Variants in NFIA observed in about 807,000 individuals in gnomAD.
NFIA encodes nuclear factor 1 A-type.
Under a neutral mutation model 62.8 loss-of-function variants are expected in NFIA, and 8 were observed. The observed-to-expected ratio is 0.13, with a 90% CI of 0.07 to 0.23. NFIA has a LOEUF of 0.23. Ranked by LOEUF, NFIA falls within the 10% of genes least tolerant of loss-of-function variation. The probability of loss-of-function intolerance (pLI) is 1.00; values close to 1 mark genes in which losing one functional copy is unlikely to be tolerated. For synonymous variants in NFIA, 235 were observed against 238.1 expected, an observed-to-expected ratio of 0.99 and a Z score of 0.12; for missense variants, 410 against 642.1, an observed-to-expected ratio of 0.64 and a Z score of 3.91.
rs1297292107 is a variant in NFIA, at chr1:61,453,527, C to G, written c.1513-1776C>G. Among the ~76,000 whole-genome samples the G allele has an allele frequency of 2.1e-5, 3 of 139,826 alleles. No individual in the cohort carries two copies. The South Asian group carries it at 6.8e-4, about 32-fold the overall frequency. The allele number at this position is 139,826 out of a possible 152,430, so 91.7% of individuals were successfully genotyped here. ...AGATTTTTGTAGTGCCCTGAGGTCT[C>G]GTCCAGAAACTGTGGTGTGGAGAAC... On this transcript the variant is annotated intron_variant, in intron 10 of 10. Coordinates refer to ENST00000403491, the MANE Select transcript of NFIA (RefSeq NM_001134673.4).
upstream of NFIA, among the ~76,000 whole-genome samples, chr1:61,079,665 G>C (rs1445052119): frequency 6.6e-6 from 1 of 152,154 alleles, no homozygotes; most frequent in African/African-American, 2.4e-5. Context: ...CAGTGAACTA[G>C]TTTCCATACT....
intron 2 of NFIA, among the ~76,000 whole-genome samples, chr1:61,089,695 CTTTTTTTT>C (rs918196815): frequency 3.7e-5 from 4 of 107,750 alleles, no homozygotes; most frequent in Non-Finnish European, 7.8e-5. Context: ...GTTTTTTTTT[CTTTTTTTT>C]TTTTTTTTTT....
intron 3 of NFIA, among the ~76,000 whole-genome samples, chr1:61,283,739 A>C (rs977538367): frequency 6.6e-6 from 1 of 151,924 alleles, no homozygotes; most frequent in African/African-American, 2.4e-5. Context: ...CTTCTTGTTT[A>C]ATGTTTTAAA....
At position 61,455,455 on chromosome 1, in the gene NFIA, C is replaced by T; in HGVS notation, c.*135C>T. 1 of 1,409,760 alleles carries T rather than the reference C, an allele frequency of 7.1e-7. No homozygotes were observed. The highest frequency in any genetic ancestry group is 9.9e-7 in the Non-Finnish European group (1 of 1,006,442). 87.3% of individuals were successfully genotyped at this position (1,409,760 alleles called of 1,614,324 possible). A position where few individuals can be genotyped will look rare whatever the true frequency, so the allele number is the denominator to read the frequency against. ...GGGGAGAAAAACCGATTCAAATCAA[C>T]TTGTACATGGAAACAGCAAGCATTA... On this transcript the variant is annotated 3_prime_UTR_variant, in exon 11 of 11. Transcript: ENST00000403491.
At chr1:61,176,445 C>G (rs1432033005) in intron 2 of NFIA, among the ~76,000 whole-genome samples, 2 of 152,102 alleles carry the variant, frequency 1.3e-5, no homozygotes, top group Admixed American at 6.5e-5. Flanking sequence ...AGATGTTTTA[C>G]AGGATAGAAA....
At chr1:61,235,023 C>A (rs530544912) in intron 2 of NFIA, among the ~76,000 whole-genome samples, 3 of 152,126 alleles carry the variant, frequency 2.0e-5, no homozygotes, top group African/African-American at 4.8e-5. Flanking sequence ...AGCCTTTATA[C>A]CCCTTTTAAG....
chr1:61,203,067 C>T (rs1033405556), intron 2 of NFIA, among the ~76,000 whole-genome samples: 2 of 152,200 alleles, frequency 1.3e-5, no homozygotes, highest in African/African-American at 4.8e-5. Context: ...TAGCGATTTC[C>T]TGTTAACACC....
At chr1:61,416,942 T>C (rs1666375123) in intron 9 of NFIA, among the ~76,000 whole-genome samples, 2 of 151,996 alleles carry the variant, frequency 1.3e-5, no homozygotes, top group South Asian at 2.1e-4. Context: ...ACGTCAAGAA[T>C]AACACCATCC....
At chr1:61,175,694 A>G (rs1256608359) in intron 2 of NFIA, among the ~76,000 whole-genome samples, 1 of 152,218 alleles carries the variant, frequency 6.6e-6, no homozygotes, top group African/African-American at 2.4e-5. Flanking sequence ...ATTTATTGTC[A>G]CATGTCATAG....
At chr1:61,105,709 T>C (rs1315342626) in intron 2 of NFIA, among the ~76,000 whole-genome samples, 2 of 151,978 alleles carry the variant, frequency 1.3e-5, no homozygotes, top group Non-Finnish European at 2.9e-5. Flanking sequence ...TTTCTGATTA[T>C]GTTTTTGTAT....
rs538667857 is a variant in NFIA at position 61,089,029 on chromosome 1, A to G, written c.559+349A>G. Among the ~76,000 whole-genome samples, 3 of 152,340 alleles carry G rather than the reference A, an allele frequency of 2.0e-5. No individual in the cohort carries two copies. The East Asian group carries it at 5.8e-4, about 29-fold the overall frequency. ...TTAACTGACAAATGATCTAGTTTAA[A>G]AGCATTTATTTTGGTATTGAGGCAA... is the stretch of plus-strand genomic sequence containing the variant. On this transcript the variant is annotated intron_variant, in intron 2 of 10. Transcript: ENST00000403491.
intron 3 of NFIA, among the ~76,000 whole-genome samples, chr1:61,300,390 A>C (rs2100328388): frequency 6.6e-6 from 1 of 152,250 alleles, no homozygotes; most frequent in African/African-American, 2.4e-5. Flanking sequence ...ACCTGTCTGA[A>C]ATTTTTAAGA....
intron 3 of NFIA, 141 bp from the exon 4 acceptor site, chr1:61,332,371 C>T: frequency 4.3e-6 from 3 of 704,740 alleles, no homozygotes; most frequent in Non-Finnish European, 7.0e-6. Context: ...TGACTGTGCC[C>T]TCCCACATAA....
At chr1:61,434,422 A>AT (rs1667241191) in intron 10 of NFIA, among the ~76,000 whole-genome samples, 2 of 152,168 alleles carry the variant, frequency 1.3e-5, no homozygotes, top group Admixed American at 6.5e-5. Flanking sequence ...TTCTTGACAC[A>AT]TTCTCTTCAC....
intron 3 of NFIA, among the ~76,000 whole-genome samples, chr1:61,300,612 T>C (rs1659443776): frequency 6.6e-6 from 1 of 152,062 alleles, no homozygotes; most frequent in African/African-American, 2.4e-5. Flanking sequence ...ACTAAAATTA[T>C]AGTCTTTCTA....
chr1:61,171,193 T>C (rs1023131786), intron 2 of NFIA, among the ~76,000 whole-genome samples: 9 of 152,122 alleles, frequency 5.9e-5, no homozygotes, highest in African/African-American at 2.2e-4. Context: ...TCTGAAACCA[T>C]TAAATAAAAA....
intron 2 of NFIA, among the ~76,000 whole-genome samples, chr1:61,157,431 A>G (rs568323179): frequency 2.0e-5 from 3 of 152,332 alleles, no homozygotes; most frequent in African/African-American, 7.2e-5. Context: ...AAAAAAAAGG[A>G]CATATTATTA....
intron 3 of NFIA, among the ~76,000 whole-genome samples, chr1:61,328,478 A>G (rs1309125000): frequency 2.6e-5 from 4 of 151,902 alleles, no homozygotes; most frequent in African/African-American, 7.2e-5. Context: ...CTGGAGTGCA[A>G]TGGCACGATC....
intron 3 of NFIA, among the ~76,000 whole-genome samples, chr1:61,311,454 G>T (rs1348347329): frequency 6.6e-6 from 1 of 152,084 alleles, no homozygotes; most frequent in East Asian, 1.9e-4. Flanking sequence ...TAAGGTCAAG[G>T]TTTCTCAGCC....
Sources: allele counts gnomAD v4.1 joint callset (sites outside exome capture counted in the v4.1 genomes callset), GRCh38; gene constraint gnomAD v4.1.1; transcripts MANE v1.5; gene names NCBI Gene and HGNC (gene_info 2026-07-23, HGNC 2026-07-21).